The following AFF1 variants were observed in gnomAD, a reference collection of about 807,000 sequenced individuals.
The protein encoded by AFF1 is ALF transcription elongation factor 1, also known as AF4/FMR2 family member 1.
Under a neutral mutation model 121.7 loss-of-function variants are expected in AFF1, and 48 were observed. The ratio of observed to expected loss-of-function variants is 0.39; its 90% CI spans 0.31 to 0.50. AFF1 has a LOEUF of 0.50. Ranked by LOEUF, AFF1 falls within the 20% of genes least tolerant of loss-of-function variation. AFF1 has a pLI of 0.76. For synonymous variants in AFF1, 613 were observed against 563.0 expected, an observed-to-expected ratio of 1.09 and a Z score of -1.26; for missense variants, 1,523 against 1,511.7, an observed-to-expected ratio of 1.01 and a Z score of -0.12.
chr4:87,085,053 T>C (rs974387453), intron 5 of AFF1, among the ~76,000 whole-genome samples: 1 of 152,212 alleles, frequency 6.6e-6, no homozygotes, highest in African/African-American at 2.4e-5. Flanking sequence ...CCTTGAAGGA[T>C]TACTTTTTGC....
At chr4:87,117,771 G>T (rs1307159746) in intron 12 of AFF1, among the ~76,000 whole-genome samples, 1 of 152,190 alleles carries the variant, frequency 6.6e-6, no homozygotes, top group Non-Finnish European at 1.5e-5. Flanking sequence ...TGTGTCGTTT[G>T]GTTTAACTTC....
At chr4:87,095,373 C>T (rs1724728691) in intron 8 of AFF1, among the ~76,000 whole-genome samples, 2 of 152,218 alleles carry the variant, frequency 1.3e-5, no homozygotes, top group African/African-American at 4.8e-5. Flanking sequence ...CCTGCCTCAG[C>T]CTCCCAAAGT....
intron 1 of AFF1, among the ~76,000 whole-genome samples, chr4:86,937,306 A>G (rs763667180): frequency 9.9e-5 from 15 of 152,232 alleles, no homozygotes; most frequent in African/African-American, 3.1e-4. Flanking sequence ...ATTTATGACA[A>G]AAGTCCAGGC....
chr4:87,076,904 C>G (rs780756609), intron 4 of AFF1, among the ~76,000 whole-genome samples: 1 of 152,220 alleles, frequency 6.6e-6, no homozygotes, highest in African/African-American at 2.4e-5. Context: ...GTAATTTACT[C>G]TGTGTCTATA....
intron 2 of AFF1, among the ~76,000 whole-genome samples, chr4:87,000,007 G>A (rs1725561900): frequency 6.6e-6 from 1 of 152,158 alleles, no homozygotes; most frequent in Non-Finnish European, 1.5e-5. Flanking sequence ...TGTCAAAGGG[G>A]CAAGGAGCCA....
rs182878788 is a variant in AFF1 at position 87,051,501 on chromosome 4, G to A, written c.1059+3907G>A. Among the ~76,000 whole-genome samples the A allele has an allele frequency of 4.5e-4, 68 of 150,062 alleles. No homozygotes were observed. The East Asian group carries it at 0.011, about 23-fold the overall frequency. On this transcript the variant is annotated intron_variant, in intron 4 of 20. Coordinates refer to ENST00000395146, the MANE Select transcript of AFF1 (RefSeq NM_001166693.3). ...TTTTGAGACAGAGTCTTGCTCTGTCGCCAGGCTGGAGTGCAATGGCGCAAT... is the reference window on the plus strand; with the variant it reads ...TTTTGAGACAGAGTCTTGCTCTGTCACCAGGCTGGAGTGCAATGGCGCAAT...
intron 2 of AFF1, among the ~76,000 whole-genome samples, chr4:87,008,250 T>C (rs534381117): frequency 2.6e-5 from 4 of 152,236 alleles, no homozygotes; most frequent in Admixed American, 6.5e-5. Context: ...ATATTTAAAG[T>C]AGTAGGGTTC....
intron 10 of AFF1, among the ~76,000 whole-genome samples, chr4:87,107,873 A>G (rs17012461): frequency 0.052 from 7,926 of 152,308 alleles, 713 homozygotes; most frequent in African/African-American, 0.18. Flanking sequence ...AACCCTTGAT[A>G]TGAAGCACCC....
intron 2 of AFF1, among the ~76,000 whole-genome samples, chr4:86,978,222 CAGCT>C (rs1723463363): frequency 1.2e-5 from 1 of 81,742 alleles, no homozygotes; most frequent in East Asian, 4.1e-4. Context: ...CTCGCTCTGT[CAGCT>C]AGGCTGGAGT....
chr4:87,000,001 A>G (rs1725561254), intron 2 of AFF1, among the ~76,000 whole-genome samples: 1 of 152,222 alleles, frequency 6.6e-6, no homozygotes, highest in Non-Finnish European at 1.5e-5. Flanking sequence ...GGGGCATGTC[A>G]AAGGGGCAAG....
intron 11 of AFF1, among the ~76,000 whole-genome samples, chr4:87,109,431 G>C (rs1306911347): frequency 6.6e-6 from 1 of 152,216 alleles, no homozygotes; most frequent in East Asian, 1.9e-4. Flanking sequence ...ACATGCATCA[G>C]TATTAACTGC....
rs185622937 is a variant in AFF1 at position 87,006,563 on chromosome 4, A to G, written c.39-39603A>G. Among the ~76,000 whole-genome samples the G allele has an allele frequency of 3.9e-5, 6 of 152,342 alleles. No homozygotes were observed. In the East Asian group the frequency reaches 1.2e-3, roughly 29 times the overall value. On this transcript the variant is annotated intron_variant, in intron 2 of 20. Coordinates refer to ENST00000395146, the MANE Select transcript of AFF1 (RefSeq NM_001166693.3). ...AAATCAAAACTGAAAGCGGAGTAAC[A>G]CCAAGTATGCCCGTTTCTTGAGCTC...
At chr4:87,032,153 T>C (rs1289756194) in intron 2 of AFF1, among the ~76,000 whole-genome samples, 1 of 152,172 alleles carries the variant, frequency 6.6e-6, no homozygotes, top group Non-Finnish European at 1.5e-5. Flanking sequence ...CTGTTTAGCT[T>C]TAAGGAGATG....
intron 2 of AFF1, among the ~76,000 whole-genome samples, chr4:87,002,854 A>G (rs983307973): frequency 1.7e-4 from 26 of 152,048 alleles, no homozygotes; most frequent in African/African-American, 5.6e-4. Context: ...ATCAAATTGC[A>G]TGGAAGTTTA....
intron 1 of AFF1, among the ~76,000 whole-genome samples, chr4:86,942,146 C>G (rs1337421395): frequency 1.3e-5 from 2 of 152,032 alleles, no homozygotes; most frequent in African/African-American, 4.8e-5. Flanking sequence ...TAAATATTGT[C>G]TCATAAGATG....
chr4:86,968,891 G>C (rs1203805182), intron 2 of AFF1, among the ~76,000 whole-genome samples: 1 of 152,086 alleles, frequency 6.6e-6, no homozygotes, highest in Non-Finnish European at 1.5e-5. Flanking sequence ...CTTTCATAAG[G>C]GAAAAAAGGA....
intron 2 of AFF1, among the ~76,000 whole-genome samples, chr4:86,995,510 C>G (rs558870867): frequency 1.3e-5 from 2 of 151,892 alleles, no homozygotes; most frequent in African/African-American, 4.8e-5. Context: ...GACGGGGTTT[C>G]GCTGTGTTGG....
chr4:86,973,853 A>T lies in AFF1; in HGVS notation c.38+25282A>T, dbSNP rs548579205. On this transcript the variant is annotated intron_variant, in intron 2 of 20. Coordinates refer to ENST00000395146, the MANE Select transcript of AFF1 (RefSeq NM_001166693.3). The stretch of plus-strand genomic sequence containing the variant: ...AGATACTTATTGAAGATCTGCTGTC[A>T]GATGATGCCTTAAAATCTGATAGAT... The T allele has an allele frequency of 3.3e-5, 5 of 151,184 alleles. No individual in the cohort carries two copies. The South Asian group carries it at 1.0e-3, about 31-fold the overall frequency. The allele number at this position is 151,184 out of a possible 1,614,324, so 9.4% of individuals were successfully genotyped here. A position where few individuals can be genotyped will look rare whatever the true frequency, so the allele number is the denominator to read the frequency against.
chr4:87,094,214 T>C (rs1011720286), intron 7 of AFF1, among the ~76,000 whole-genome samples: 1 of 152,186 alleles, frequency 6.6e-6, no homozygotes, highest in Non-Finnish European at 1.5e-5. Flanking sequence ...TGTGATACAA[T>C]TCATTTTGTT....
Sources: allele counts gnomAD v4.1 joint callset (sites outside exome capture counted in the v4.1 genomes callset), GRCh38; gene constraint gnomAD v4.1.1; transcripts MANE v1.5; gene names NCBI Gene and HGNC (gene_info 2026-07-23, HGNC 2026-07-21).